EYS: variants seen among roughly 807,000 people sequenced by gnomAD.
EYS encodes the protein protein eyes shut homolog.
EYS carries 250 observed loss-of-function variants against 282.1 expected under a neutral mutation model. That is an observed-to-expected ratio of 0.89 (90% CI 0.80 to 0.98). EYS has a LOEUF of 0.98. Ranked by LOEUF, EYS falls within the 50% of genes least tolerant of loss-of-function variation. The pLI, the probability that EYS is intolerant of heterozygous loss-of-function variation, is 0.00. For missense variants in EYS, 4,016 were observed against 3,709.0 expected, an observed-to-expected ratio of 1.08 and a Z score of -2.15; for synonymous variants, 1,355 against 1,282.9, an observed-to-expected ratio of 1.06 and a Z score of -1.20.
At chr6:64,391,626 C>T (rs1263012508) in intron 28 of EYS, among the ~76,000 whole-genome samples, 9 of 152,170 alleles carry the variant, frequency 5.9e-5, no homozygotes, top group South Asian at 2.1e-4. Context: ...CTGAAGGAAG[C>T]GCTAAACATG....
chr6:65,282,965 A>G (rs1768265719), intron 12 of EYS, among the ~76,000 whole-genome samples: 1 of 151,952 alleles, frequency 6.6e-6, no homozygotes, highest in African/African-American at 2.4e-5. Context: ...TTCATTTTAC[A>G]GGTAGGCAAA....
intron 2 of EYS, among the ~76,000 whole-genome samples, chr6:65,529,615 C>A (rs1414314379): frequency 6.6e-6 from 1 of 152,168 alleles, no homozygotes; most frequent in Non-Finnish European, 1.5e-5. Context: ...CATGAAATAT[C>A]AACCAGCCTG....
chr6:64,538,546 T>C (rs1764599559), intron 26 of EYS, among the ~76,000 whole-genome samples: 2 of 152,170 alleles, frequency 1.3e-5, no homozygotes, highest in Admixed American at 1.3e-4. Context: ...GATTGTTCCT[T>C]CTATTAGGTC....
intron 12 of EYS, among the ~76,000 whole-genome samples, chr6:65,198,283 C>T (rs553454519): frequency 1.9e-4 from 29 of 152,018 alleles, no homozygotes; most frequent in Non-Finnish European, 3.5e-4. Flanking sequence ...AGCAAGGCTG[C>T]CTTCTGGAAT....
Position 64,591,759 on chromosome 6 carries a change from G to A in EYS, c.4108C>T (p.His1370Tyr), listed in dbSNP as rs1381744132. The A allele has an allele frequency of 1.7e-5, 27 of 1,551,264 alleles. No individual in the cohort carries two copies. The highest frequency in any genetic ancestry group is 7.8e-5 in the Admixed American group (4 of 50,958). The change falls in exon 26 of 43, where the codon CAT (histidine) becomes TAT (tyrosine). Residue 1370 changes from histidine to tyrosine, a missense_variant. His to Tyr is a moderately conservative substitution (Grantham distance 83, BLOSUM62 2). Transcript: ENST00000503581. Reference sequence around the variant, plus strand: ...GCTGCTGAAGTTCGAATAGGCATATGTGATACCGATGTTTTGTCCTGGACA... The same window carrying A: ...GCTGCTGAAGTTCGAATAGGCATATATGATACCGATGTTTTGTCCTGGACA... Reference protein sequence around the residue: ...QIVQDKTSVSHMPIRTSAATL... With the variant: ...QIVQDKTSVSYMPIRTSAATL...
intron 39 of EYS, among the ~76,000 whole-genome samples, chr6:63,780,620 T>A (rs1310991559): frequency 1.3e-5 from 2 of 150,672 alleles, no homozygotes; most frequent in Non-Finnish European, 3.0e-5. Context: ...GTAAATTTGT[T>A]TAAGTTTTTT....
At chr6:65,621,917 A>G (rs1766513017) in intron 2 of EYS, among the ~76,000 whole-genome samples, 1 of 152,214 alleles carries the variant, frequency 6.6e-6, no homozygotes. Context: ...ACAGGTGTTT[A>G]TAAAGCTGTG....
chr6:65,692,389 C>T (rs1299577512), intron 1 of EYS, among the ~76,000 whole-genome samples: 1 of 149,888 alleles, frequency 6.7e-6, no homozygotes, highest in African/African-American at 2.4e-5. Flanking sequence ...CACACTTGTG[C>T]TCCCTAAAAC....
At chr6:65,381,538 G>T (rs1264125620) in intron 8 of EYS, among the ~76,000 whole-genome samples, 1 of 151,854 alleles carries the variant, frequency 6.6e-6, no homozygotes, top group Non-Finnish European at 1.5e-5. Context: ...AAACCTGTAT[G>T]ACGGGTTGAT....
At chr6:65,430,829 T>C (rs1032648822) in intron 5 of EYS, among the ~76,000 whole-genome samples, 4 of 152,116 alleles carry the variant, frequency 2.6e-5, no homozygotes, top group African/African-American at 9.7e-5. Context: ...CCTGGCAGCA[T>C]TCATTACCTG....
chr6:63,725,962 G>A (rs555363688), intron 42 of EYS, among the ~76,000 whole-genome samples: 48 of 152,118 alleles, frequency 3.2e-4, no homozygotes, highest in African/African-American at 1.1e-3. Flanking sequence ...GAATGAAAAT[G>A]GATATCAAGG....
rs140089090 is a variant in EYS, at chr6:64,280,854, T to G, written c.6191+26116A>C. On this transcript the variant is annotated intron_variant, in intron 30 of 42. Coordinates refer to ENST00000503581, the MANE Select transcript of EYS (RefSeq NM_001142800.2). The stretch of plus-strand genomic sequence containing the variant: ...ATTAAGGAGTTCTGCAGGTTTCAGA[T>G]GCAGAAAAAGCACATAAACTATTTA... 1.7e-3 allele frequency among the ~76,000 whole-genome samples: 256 copies of G among 152,258 alleles called. 6 individuals carry two copies. The East Asian group carries it at 0.045, about 27-fold the overall frequency.
At chr6:63,794,057 T>C (rs1770582095) in intron 37 of EYS, among the ~76,000 whole-genome samples, 1 of 152,238 alleles carries the variant, frequency 6.6e-6, no homozygotes, top group Non-Finnish European at 1.5e-5. Context: ...CAAGTCTGAC[T>C]GTGGTTGTGC....
intron 31 of EYS, among the ~76,000 whole-genome samples, chr6:64,206,815 C>T (rs182130016): frequency 1.1e-3 from 170 of 152,178 alleles, no homozygotes; most frequent in African/African-American, 4.0e-3. Context: ...AATGTTTCCT[C>T]CAAAAAACAT....
chr6:65,649,079 A>G (rs1283076283), intron 1 of EYS, among the ~76,000 whole-genome samples: 1 of 139,896 alleles, frequency 7.1e-6, no homozygotes, highest in Non-Finnish European at 1.5e-5. Flanking sequence ...CTGGGAGGCC[A>G]GTGAGCTGAG....
chr6:65,379,201 G>A (rs975382960), intron 8 of EYS, among the ~76,000 whole-genome samples: 3 of 151,914 alleles, frequency 2.0e-5, no homozygotes, highest in Non-Finnish European at 4.4e-5. Context: ...GATGAACTTC[G>A]ACGTGAAAAT....
At chr6:64,103,447 G>A (rs544702148) in intron 31 of EYS, among the ~76,000 whole-genome samples, 4 of 152,236 alleles carry the variant, frequency 2.6e-5, no homozygotes, top group Admixed American at 2.6e-4. Context: ...ACTTCAGGCA[G>A]CATATAATTA....
At chr6:64,089,166 T>G (rs183309668) in intron 31 of EYS, among the ~76,000 whole-genome samples, 138 of 152,006 alleles carry the variant, frequency 9.1e-4, no homozygotes, top group Admixed American at 1.2e-3. Flanking sequence ...AATTATTATT[T>G]TAATTTAAAA....
chr6:65,299,990 G>T (rs1442269882), intron 11 of EYS, among the ~76,000 whole-genome samples: 4 of 152,038 alleles, frequency 2.6e-5, no homozygotes, highest in African/African-American at 9.7e-5. Flanking sequence ...ATAATTATGT[G>T]TTTAGTGATA....
Sources: gnomAD v4.1 joint callset for allele counts (sites outside exome capture counted in the v4.1 genomes callset) on GRCh38, gnomAD v4.1.1 for gene constraint, MANE v1.5 for transcripts, NCBI Gene and HGNC (gene_info 2026-07-23, HGNC 2026-07-21) for gene names.